Variants in MGAT5B observed in about 807,000 individuals in gnomAD.
The protein encoded by MGAT5B is alpha-1,6-mannosylglycoprotein 6-beta-N-acetylglucosaminyltransferase B.
A neutral mutation model predicts 95.1 loss-of-function variants in MGAT5B; 54 were observed. The observed-to-expected ratio is 0.57, with a 90% CI of 0.46 to 0.71. The LOEUF (loss-of-function observed/expected upper bound fraction) is 0.71, where lower values mean the gene tolerates loss of function less well. MGAT5B is among the 30% of genes least tolerant of loss of function. MGAT5B has a pLI of 0.00. For synonymous variants in MGAT5B, 464 were observed against 451.0 expected, an observed-to-expected ratio of 1.03 and a Z score of -0.36; for missense variants, 935 against 1,088.6, an observed-to-expected ratio of 0.86 and a Z score of 1.99.
rs1412407191 is a variant in MGAT5B at position 76,914,809 on chromosome 17, T to C, written c.1025+8622T>C. Among the ~76,000 whole-genome samples, 1 of 152,196 alleles carries C rather than the reference T, an allele frequency of 6.6e-6. No individual in the cohort carries two copies. Among genetic ancestry groups the C allele is most frequent in the African/African-American group, 2.4e-5 (1 of 41,452 alleles). ...TGTGCCACCATGCCCAGCTAATTTT[T>C]GTATTTTTAGTAGAGACAGGGTTTC... On this transcript the variant is annotated intron_variant, in intron 8 of 17. Coordinates refer to ENST00000569840, the MANE Select transcript of MGAT5B (RefSeq NM_001199172.2). This position sits in a 1 kb window ranked among gnomAD's most constrained non-coding sequence, Gnocchi z 5.1.
At chr17:76,926,337 C>T (rs552399733) in intron 9 of MGAT5B, among the ~76,000 whole-genome samples, 2 of 152,334 alleles carry the variant, frequency 1.3e-5, no homozygotes, top group African/African-American at 4.8e-5. Flanking sequence ...TAACCAAGGA[C>T]CATGGGTCAG....
At chr17:76,886,529 G>A (rs554711165) in intron 3 of MGAT5B, among the ~76,000 whole-genome samples, 1 of 152,364 alleles carries the variant, frequency 6.6e-6, no homozygotes, top group South Asian at 2.1e-4. Context: ...GAATCACCAA[G>A]TCCCCATGGC....
intron 10 of MGAT5B, among the ~76,000 whole-genome samples, chr17:76,929,669 G>C (rs56135841): frequency 0.21 from 32,485 of 152,068 alleles, 3,540 homozygotes; most frequent in East Asian, 0.28. Context: ...GGAAGAGGGA[G>C]GCTGGCCAGT....
At chr17:76,920,192 T>A (rs1300030774) in intron 8 of MGAT5B, among the ~76,000 whole-genome samples, 1 of 152,222 alleles carries the variant, frequency 6.6e-6, no homozygotes, top group East Asian at 1.9e-4. Flanking sequence ...CAGATGCATT[T>A]CAAGTTCCTT....
chr17:76,940,265 C>A lies in MGAT5B; in HGVS notation c.1585-137C>A. On this transcript the variant is annotated intron_variant, in intron 13 of 17. Transcript: ENST00000569840. The surrounding 1 kb of genome is among the most constrained non-coding windows in gnomAD (Gnocchi z 4.3). Reference sequence around the variant, plus strand: ...GCCCTGTTATAGCTCACATAACAGGCTGAGCAAAAATAATCGCTCCAGGCC... The same window carrying A: ...GCCCTGTTATAGCTCACATAACAGGATGAGCAAAAATAATCGCTCCAGGCC... The A allele has an allele frequency of 9.0e-7, 1 of 1,116,438 alleles. No homozygotes were observed. Among genetic ancestry groups the A allele is most frequent in the Non-Finnish European group, 1.2e-6 (1 of 814,848 alleles). 69.2% of individuals were successfully genotyped at this position (1,116,438 alleles called of 1,614,324 possible). A position where few individuals can be genotyped will look rare whatever the true frequency, so the allele number is the denominator to read the frequency against.
intron 2 of MGAT5B, among the ~76,000 whole-genome samples, chr17:76,877,760 G>A (rs897915415): frequency 5.3e-5 from 8 of 152,164 alleles, no homozygotes; most frequent in African/African-American, 1.7e-4. Context: ...GTGCCAGGGA[G>A]GTCTCTGCTT....
In MGAT5B at chr17:76,872,883, T is replaced by C; in HGVS notation, c.101T>C (p.Leu34Pro). The C allele has an allele frequency of 6.2e-7, 1 of 1,614,184 alleles. No individual in the cohort carries two copies. The highest frequency in any genetic ancestry group is 1.7e-5 in the Admixed American group (1 of 60,024). Residue 34 changes from leucine (L) to proline (P), a missense_variant, in exon 2 of 18, where the codon CTC becomes CCC. By Grantham distance (98) the Leu-to-Pro change is moderately conservative (BLOSUM62 -3). Transcript: ENST00000569840. ...GTCCTGGGCATCGGCTTCTTCACTC[T>C]CTGCTTCCTGATGACGTCTCTGGGA... ...LFVLGIGFFT[L>P]CFLMTSLGGQ...
rs1323437980 is a variant in MGAT5B at position 76,950,188 on chromosome 17, C to T, written c.*1350C>T. On this transcript the variant is annotated 3_prime_UTR_variant, in exon 18 of 18. Transcript: ENST00000569840. ...GGATGCTGAGAGTTGGTGGAGGGGC[C>T]AGGCTGGACGCTTCCTGTGGGAGTC... 1.3e-5 allele frequency: 2 copies of T among 152,592 alleles called. No individual in the cohort carries two copies. Among genetic ancestry groups the T allele is most frequent in the Non-Finnish European group, 2.9e-5 (2 of 68,046 alleles). The allele number at this position is 152,592 out of a possible 1,614,324, so 9.5% of individuals were successfully genotyped here. A position where few individuals can be genotyped will look rare whatever the true frequency, so the allele number is the denominator to read the frequency against.
intron 8 of MGAT5B, among the ~76,000 whole-genome samples, chr17:76,913,223 G>A (rs569649575): frequency 1.3e-5 from 2 of 152,314 alleles, no homozygotes; most frequent in East Asian, 1.9e-4. Context: ...AGAGAATGAC[G>A]AAGGTGGGGA....
At chr17:76,932,090 C>CT (rs1255514048) in intron 10 of MGAT5B, among the ~76,000 whole-genome samples, 1 of 140,952 alleles carries the variant, frequency 7.1e-6, no homozygotes, top group Non-Finnish European at 1.5e-5. Flanking sequence ...CCTCCTCCCC[C>CT]CCCCCTTCTT....
In MGAT5B at chr17:76,902,551, T is replaced by G. The variant is rs925749071; in HGVS notation, c.330-4T>G. 1.3e-6 allele frequency: 2 copies of G among 1,576,970 alleles called. No individual in the cohort carries two copies. Among genetic ancestry groups the G allele is most frequent in the African/African-American group, 2.7e-5 (2 of 74,034 alleles). On this transcript the variant is annotated splice_polypyrimidine_tract_variant and splice_region_variant and intron_variant, in intron 3 of 17. Transcript: ENST00000569840. ...GTGGCTCACCTCTGGCTTTTCCCAC[T>G]TAGGATGCCCCCTGGGGCCGGCCTC...
chr17:76,928,884 T>TG (rs1969398167), intron 10 of MGAT5B, among the ~76,000 whole-genome samples: 1 of 150,770 alleles, frequency 6.6e-6, no homozygotes, highest in Non-Finnish European at 1.5e-5. Context: ...TGAATAATTT[T>TG]TTTTTTTTTG....
At chr17:76,928,530 C>A (rs1323037119) in intron 10 of MGAT5B, among the ~76,000 whole-genome samples, 2 of 151,900 alleles carry the variant, frequency 1.3e-5, no homozygotes, top group South Asian at 4.2e-4. Flanking sequence ...CATGGTGAAA[C>A]CCCGTCTCTA....
At position 76,916,020 on chromosome 17, in the gene MGAT5B, G is replaced by A. The variant is rs777011844; in HGVS notation, c.1026-8946G>A. 6.6e-6 allele frequency among the ~76,000 whole-genome samples: 1 copy of A among 152,244 alleles called. No individual in the cohort carries two copies. Among genetic ancestry groups the A allele is most frequent in the Non-Finnish European group, 1.5e-5 (1 of 68,038 alleles). On this transcript the variant is annotated intron_variant, in intron 8 of 17. Transcript: ENST00000569840. This position sits in a 1 kb window ranked among gnomAD's most constrained non-coding sequence, Gnocchi z 5.3. ...ACAGAGAGGGAGCAGGCGCCGGCAT[G>A]CCGAGTGTGGCGGGGTCACGTTGAG... is the stretch of plus-strand genomic sequence containing the variant.
At chr17:76,893,832 G>A (rs1181775978) in intron 3 of MGAT5B, among the ~76,000 whole-genome samples, 1 of 152,132 alleles carries the variant, frequency 6.6e-6, no homozygotes, top group Non-Finnish European at 1.5e-5. Flanking sequence ...GGGGGCGGGG[G>A]GTGCCAGCCT....
chr17:76,896,050 C>T (rs763571061), intron 3 of MGAT5B, among the ~76,000 whole-genome samples: 23 of 152,346 alleles, frequency 1.5e-4, no homozygotes, highest in South Asian at 1.0e-3. Flanking sequence ...GTTCCCCACA[C>T]GGTGACAACA....
At position 76,915,457 on chromosome 17, in the gene MGAT5B, G is replaced by T. The variant is rs1968896071; in HGVS notation, c.1025+9270G>T. Among the ~76,000 whole-genome samples the T allele has an allele frequency of 6.6e-6, 1 of 152,112 alleles. No homozygotes were observed. The highest frequency in any genetic ancestry group is 2.4e-5 in the African/African-American group (1 of 41,416). On this transcript the variant is annotated intron_variant, in intron 8 of 17. Coordinates refer to ENST00000569840, the MANE Select transcript of MGAT5B (RefSeq NM_001199172.2). The surrounding 1 kb of genome is among the most constrained non-coding windows in gnomAD (Gnocchi z 8.7). ...AGGCAGCGGGAGACGCGAGGAAGTG[G>T]ACAAGACCGAAAAACAACCCTCGGG...
At chr17:76,872,014 A>G (rs1213010509) in intron 1 of MGAT5B, among the ~76,000 whole-genome samples, 2 of 152,198 alleles carry the variant, frequency 1.3e-5, no homozygotes, top group Non-Finnish European at 2.9e-5. Flanking sequence ...TGGATAATCA[A>G]TAACTACATG....
chr17:76,905,084 G>A lies in MGAT5B; in HGVS notation c.691-85G>A. On this transcript the variant is annotated intron_variant, in intron 6 of 17. Transcript: ENST00000569840. The surrounding 1 kb of genome is among the most constrained non-coding windows in gnomAD (Gnocchi z 4.2). ...GGAGCAGGCCCCAGCCTCATGGGAG[G>A]GTGCCAGCCCCTGTCCCCAGGCCAG... 1 of 1,414,198 alleles carries A rather than the reference G, an allele frequency of 7.1e-7. No homozygotes were observed. Among genetic ancestry groups the A allele is most frequent in the Non-Finnish European group, 9.5e-7 (1 of 1,053,554 alleles). The allele number at this position is 1,414,198 out of a possible 1,614,324, so 87.6% of individuals were successfully genotyped here.
Sources: gnomAD v4.1 joint callset for allele counts (sites outside exome capture counted in the v4.1 genomes callset) on GRCh38, gnomAD v4.1.1 for gene constraint, Gnocchi (gnomAD v3.1) non-coding constraint, MANE v1.5 for transcripts, NCBI Gene and HGNC (gene_info 2026-07-23, HGNC 2026-07-21) for gene names.